Variants in LRRC31 observed in about 807,000 individuals in gnomAD.
The protein encoded by LRRC31 is leucine rich repeat containing 31.
In LRRC31, 35 loss-of-function variants were observed where a neutral mutation model predicts 46.7. The ratio of observed to expected loss-of-function variants is 0.75; its 90% confidence interval spans 0.57 to 0.99. LRRC31 has a LOEUF of 0.99. LRRC31 is among the 50% of genes least tolerant of loss of function. LRRC31 has a pLI of 0.00. For missense variants in LRRC31, 613 were observed against 626.1 expected, an observed-to-expected ratio of 0.98 and a Z score of 0.22; for synonymous variants, 236 against 235.1, an observed-to-expected ratio of 1.00 and a Z score of -0.03.
At chr3:169,853,182 T>C (rs942630513) in intron 6 of LRRC31, 10 of 982,766 alleles carry the variant, frequency 1.0e-5, no homozygotes, top group Non-Finnish European at 1.1e-5. Flanking sequence ...CTGTAGCCCC[T>C]GGCACGGTGC....
intron 7 of LRRC31, among the ~76,000 whole-genome samples, chr3:169,851,050 C>G (rs1780747817): frequency 6.6e-6 from 1 of 152,050 alleles, no homozygotes; most frequent in Non-Finnish European, 1.5e-5. Context: ...ACCCAGATTC[C>G]TCAGACAGCA....
At position 169,848,170 on chromosome 3, in the gene LRRC31, A is replaced by C. The variant is rs1780659770; in HGVS notation, c.1277T>G (p.Val426Gly). The change falls in exon 8 of 9, where the codon GTG becomes GGG. Residue 426 changes from valine (V) to glycine (G), a missense_variant. Physicochemically the swap from Val to Gly is moderately radical, Grantham distance 109 (BLOSUM62 -3). Coordinates refer to ENST00000316428, the MANE Select transcript of LRRC31 (RefSeq NM_024727.4). ...ETLKLSMSLQ[V>G]LRLSSCSLVT... The stretch of plus-strand genomic sequence containing the variant: ...CAGGGAACAGCTGCTCAGCCTCAGC[A>C]CTTGAAGAGACATGGAAAGCTTTAG... 1 of 1,614,210 alleles carries C rather than the reference A, an allele frequency of 6.2e-7. No homozygotes were observed. The highest frequency in any genetic ancestry group is 8.5e-7 in the Non-Finnish European group (1 of 1,180,040).
chr3:169,841,971 G>A (rs1176188855), intron 8 of LRRC31, among the ~76,000 whole-genome samples: 1 of 152,102 alleles, frequency 6.6e-6, no homozygotes, highest in Non-Finnish European at 1.5e-5. Flanking sequence ...CTTGAACCCA[G>A]GAGGTGGAGG....
In LRRC31 at chr3:169,856,886, G is replaced by T; in HGVS notation, c.488-14C>A. Reference sequence around the variant, plus strand: ...CAAATGCTTCTCCTGTTAACAAATGGCCCGAAAATTCTGTTGGTCACTAGT... The same window carrying T: ...CAAATGCTTCTCCTGTTAACAAATGTCCCGAAAATTCTGTTGGTCACTAGT... On this transcript the variant is annotated splice_polypyrimidine_tract_variant and intron_variant, in intron 3 of 8. Transcript: ENST00000316428. 1 of 1,591,158 alleles carries T rather than the reference G, an allele frequency of 6.3e-7. No homozygotes were observed. Among genetic ancestry groups the T allele is most frequent in the Non-Finnish European group, 8.6e-7 (1 of 1,167,950 alleles).
At chr3:169,841,854 G>T (rs565017607) in intron 8 of LRRC31, among the ~76,000 whole-genome samples, 12 of 151,794 alleles carry the variant, frequency 7.9e-5, no homozygotes, top group Non-Finnish European at 1.3e-4. Flanking sequence ...AGACCAGCCT[G>T]GCCAAGATAG....
Position 169,861,749 on chromosome 3 carries a change from C to G in LRRC31, c.240G>C (p.Gln80His). The G allele has an allele frequency of 6.2e-7, 1 of 1,614,158 alleles. No homozygotes were observed. The highest frequency in any genetic ancestry group is 8.5e-7 in the Non-Finnish European group (1 of 1,179,990). The change falls in exon 2 of 9, where the codon CAG becomes CAC. Residue 80 changes from glutamine (Q) to histidine (H), a missense_variant. Gln to His is a conservative substitution (Grantham distance 24). Coordinates refer to ENST00000316428, the MANE Select transcript of LRRC31 (RefSeq NM_024727.4). ...TGTTGACAGCCTTTTTGCCCAGCTT[C>G]TGCAGGAAATGCTCATTTTTCTCCA... ...SSMEKNEHFL[Q>H]KLGKKAVNKC...
chr3:169,856,039 C>T (rs1476954747), intron 5 of LRRC31, among the ~76,000 whole-genome samples: 2 of 151,980 alleles, frequency 1.3e-5, no homozygotes, highest in Non-Finnish European at 1.5e-5. Context: ...CGTACCACCA[C>T]GCCCAACTAA....
rs971032336 is a variant in LRRC31 at position 169,852,986 on chromosome 3, G to C, written c.992-1200C>G. ...ACAAATGTTTGTGGGAGAAGGGAGA[G>C]AGGTCAGGGGAAAGAAAGGGGAAAG... On this transcript the variant is annotated intron_variant, in intron 6 of 8. Coordinates refer to ENST00000316428, the MANE Select transcript of LRRC31 (RefSeq NM_024727.4). Among the ~76,000 whole-genome samples, 23 of 152,342 alleles carry C rather than the reference G, an allele frequency of 1.5e-4. 1 individual carries two copies. The highest frequency in any genetic ancestry group is 1.2e-3 in the East Asian group (6 of 5,190).
Position 169,854,895 on chromosome 3 carries a change from C to G in LRRC31, c.909G>C (p.Pro303=). The change falls in exon 6 of 9, where the codon CCG becomes CCC. Residue 303 remains proline, a synonymous_variant. Transcript: ENST00000316428. Reference sequence around the variant, plus strand: ...GATGCTTTAGCATGACCAACTGAGCCGGCGAGTCTTCAAAACCTCCACCTA... The same window carrying G: ...GATGCTTTAGCATGACCAACTGAGCGGGCGAGTCTTCAAAACCTCCACCTA... ...KDLGGGFEDS[P]AQLVMLKHLQ... The G allele has an allele frequency of 1.2e-6, 2 of 1,613,692 alleles. No individual in the cohort carries two copies. The highest frequency in any genetic ancestry group is 1.1e-5 in the South Asian group (1 of 91,076).
In LRRC31 at chr3:169,844,747, C is replaced by A. The variant is rs535393649; in HGVS notation, c.1327+3373G>T. ...AGGAGATCGAGACTATCCTGACCAA[C>A]ATGGTGAAACCCCGTCTGTATTAAA... On this transcript the variant is annotated intron_variant, in intron 8 of 8. Transcript: ENST00000316428. Among the ~76,000 whole-genome samples, 3 of 152,254 alleles carry A rather than the reference C, an allele frequency of 2.0e-5. No individual in the cohort carries two copies. The South Asian group carries it at 6.2e-4, about 32-fold the overall frequency.
chr3:169,847,178 T>C (rs1335791488), intron 8 of LRRC31, among the ~76,000 whole-genome samples: 1 of 152,156 alleles, frequency 6.6e-6, no homozygotes, highest in African/African-American at 2.4e-5. Flanking sequence ...GAATGAGTTT[T>C]TTATTTTGTT....
intron 1 of LRRC31, among the ~76,000 whole-genome samples, chr3:169,867,205 C>T (rs1450705483): frequency 1.3e-5 from 2 of 150,388 alleles, no homozygotes; most frequent in Non-Finnish European, 3.0e-5. Flanking sequence ...CATGCACCAC[C>T]ATGCCCAGCT....
rs535736442 is a variant in LRRC31, at chr3:169,861,721, A to C, written c.268T>G (p.Cys90Gly). Residue 90 changes from cysteine (C) to glycine (G), a missense_variant, in exon 2 of 9, where the codon TGT (cysteine) becomes GGT (glycine). Coordinates refer to ENST00000316428, the MANE Select transcript of LRRC31 (RefSeq NM_024727.4). ...AATCCACAGTTATTCAAATCTAGAC[A>C]CTTGTTGACAGCCTTTTTGCCCAGC... is the stretch of plus-strand genomic sequence containing the variant. The part of the protein sequence containing the change: ...QKLGKKAVNK[C>G]LDLNNCGLTT... 1.9e-4 allele frequency: 314 copies of C among 1,614,142 alleles called. No homozygotes were observed. Among genetic ancestry groups the C allele is most frequent in the Admixed American group, 4.2e-4 (25 of 60,024 alleles).
chr3:169,862,551 A>G (rs1289009938), intron 1 of LRRC31, among the ~76,000 whole-genome samples: 1 of 151,202 alleles, frequency 6.6e-6, no homozygotes, highest in East Asian at 2.0e-4. Context: ...TCATGAGGTC[A>G]GGAGATCAAC....
chr3:169,854,174 G>A (rs775621270), intron 6 of LRRC31, among the ~76,000 whole-genome samples: 3 of 152,212 alleles, frequency 2.0e-5, no homozygotes, highest in Non-Finnish European at 4.4e-5. Flanking sequence ...CCTGGACCAG[G>A]GTAGTGGAGG....
At chr3:169,840,917 A>C (rs775709036) in intron 8 of LRRC31, among the ~76,000 whole-genome samples, 1 of 152,234 alleles carries the variant, frequency 6.6e-6, no homozygotes, top group South Asian at 2.1e-4. Context: ...TGATGAAATA[A>C]AGACTTCTGT....
rs551993039 is a variant in LRRC31 at position 169,853,189 on chromosome 3, G to A, written c.992-1403C>T. On this transcript the variant is annotated intron_variant, in intron 6 of 8. Coordinates refer to ENST00000316428, the MANE Select transcript of LRRC31 (RefSeq NM_024727.4). Reference sequence around the variant, plus strand: ...GGGATTTTCTGTAGCCCCTGGCACGGTGCCCCACACCATTAGAGGATTCAT... The same window carrying A: ...GGGATTTTCTGTAGCCCCTGGCACGATGCCCCACACCATTAGAGGATTCAT... The A allele has an allele frequency of 7.1e-6, 7 of 983,854 alleles. No homozygotes were observed. The East Asian group carries it at 4.5e-4, about 64-fold the overall frequency. 60.9% of individuals were successfully genotyped at this position (983,854 alleles called of 1,614,324 possible).
Position 169,856,829 on chromosome 3 carries a change from C to T in LRRC31, c.531G>A (p.Leu177=). Reference sequence around the variant, plus strand: ...TTCCTCCCACTTTACTGTTCCAAGACAAATTTAGCTCTTCAAGTTCAGGAA... The same window carrying T: ...TTCCTCCCACTTTACTGTTCCAAGATAAATTTAGCTCTTCAAGTTCAGGAA... ...EMIPELEELN[L]SWNSKVGGNL... is the part of the protein sequence containing the mutation. Residue 177 remains leucine, a synonymous_variant, in exon 4 of 9, where the codon TTG becomes TTA. Coordinates refer to ENST00000316428, the MANE Select transcript of LRRC31 (RefSeq NM_024727.4). The T allele has an allele frequency of 6.2e-7, 1 of 1,609,268 alleles. No homozygotes were observed. Among genetic ancestry groups the T allele is most frequent in the Non-Finnish European group, 8.5e-7 (1 of 1,177,992 alleles).
intron 6 of LRRC31, among the ~76,000 whole-genome samples, chr3:169,854,455 T>C (rs1253908812): frequency 1.3e-5 from 2 of 152,234 alleles, no homozygotes; most frequent in Non-Finnish European, 2.9e-5. Context: ...CACTTGTTAT[T>C]CAGAAAGCCT....
Sources: allele counts gnomAD v4.1 joint callset (sites outside exome capture counted in the v4.1 genomes callset), GRCh38; gene constraint gnomAD v4.1.1; transcripts MANE v1.5; gene names NCBI Gene and HGNC (gene_info 2026-07-23, HGNC 2026-07-21).